The following LIMCH1 variants were observed in gnomAD, a reference collection of about 807,000 sequenced individuals.
LIMCH1 encodes the protein LIM and calponin homology domains-containing protein 1.
A neutral mutation model predicts 176.5 loss-of-function variants in LIMCH1; 113 were observed. That is an observed-to-expected ratio of 0.64 (90% CI 0.55 to 0.75). The LOEUF (loss-of-function observed/expected upper bound fraction) is 0.75. Ranked by LOEUF, LIMCH1 falls within the 30% of genes least tolerant of loss-of-function variation. The pLI is 0.00. For synonymous variants in LIMCH1, 619 were observed against 645.9 expected (o/e 0.96, Z 0.63); for missense variants, 1,674 against 1,814.9 (o/e 0.92, Z 1.41).
intron 1 of LIMCH1, among the ~76,000 whole-genome samples, chr4:41,379,414 G>A (rs1561181549): frequency 6.6e-6 from 1 of 152,174 alleles, no homozygotes; most frequent in African/African-American, 2.4e-5. Context: ...AGGAAGGCAT[G>A]GTAGGACCTG....
chr4:41,512,709 A>G (rs971574375), intron 2 of LIMCH1, among the ~76,000 whole-genome samples: 1 of 152,188 alleles, frequency 6.6e-6, no homozygotes, highest in Admixed American at 6.5e-5. Flanking sequence ...AAATCTATAG[A>G]GACAGAAGGC....
chr4:41,698,902 T>G lies in LIMCH1; in HGVS notation c.*1717T>G, dbSNP rs1732025847. ...ACATGGCGATAAATTATGGATGCAG[T>G]ACATTGAAGAGAGATGAAGTCACTT... On this transcript the variant is annotated 3_prime_UTR_variant, in exon 32 of 32. Transcript: ENST00000503057. The G allele has an allele frequency of 6.6e-6, 1 of 152,630 alleles. No homozygotes were observed. The highest frequency in any genetic ancestry group is 2.4e-5 in the African/African-American group (1 of 41,454). The allele number at this position is 152,630 out of a possible 1,614,324, so 9.5% of individuals were successfully genotyped here.
At chr4:41,501,857 CTTTTTTTTTTTTTTTTTTTTTTT>C (rs71198662) in intron 2 of LIMCH1, among the ~76,000 whole-genome samples, 1 of 74,986 alleles carries the variant, frequency 1.3e-5, no homozygotes, top group South Asian at 4.7e-4. Context: ...GTGTAGAATC[CTTTTTTTTTTTTTTTTTTTTTTT>C]TTTTTTAAAA....
chr4:41,624,848 C>G (rs1156438078), intron 7 of LIMCH1, among the ~76,000 whole-genome samples: 1 of 152,126 alleles, frequency 6.6e-6, no homozygotes, highest in East Asian at 1.9e-4. Context: ...CTTTTCTTCC[C>G]CCTCACCTGC....
chr4:41,413,848 G>T (rs999233364), intron 1 of LIMCH1, among the ~76,000 whole-genome samples: 2 of 152,106 alleles, frequency 1.3e-5, no homozygotes, highest in Non-Finnish European at 2.9e-5. Flanking sequence ...GACTAGCAGA[G>T]GTTCCTGTGG....
intron 1 of LIMCH1, among the ~76,000 whole-genome samples, chr4:41,487,935 T>A (rs1288105585): frequency 6.6e-6 from 1 of 151,170 alleles, no homozygotes; most frequent in Non-Finnish European, 1.5e-5. Flanking sequence ...TTTTTTTCTA[T>A]AGATTCTTAA....
intron 22 of LIMCH1, among the ~76,000 whole-genome samples, chr4:41,672,317 CCAAGAT>C: frequency 6.6e-6 from 1 of 152,008 alleles, no homozygotes; most frequent in Non-Finnish European, 1.5e-5. Context: ...TTGCAGTGAG[CCAAGAT>C]CACACTACTG....
At chr4:41,669,978 C>A (rs1245857657) in intron 21 of LIMCH1, among the ~76,000 whole-genome samples, 1 of 152,176 alleles carries the variant, frequency 6.6e-6, no homozygotes, top group Non-Finnish European at 1.5e-5. Flanking sequence ...TGCTGATCGA[C>A]CCTAATGATG....
At chr4:41,665,302 T>C (rs1325966413) in intron 20 of LIMCH1, among the ~76,000 whole-genome samples, 1 of 152,176 alleles carries the variant, frequency 6.6e-6, no homozygotes, top group Non-Finnish European at 1.5e-5. Context: ...TACTGAAACA[T>C]GTTTTTGCCA....
At chr4:41,684,043 G>T (rs1718523384) in intron 26 of LIMCH1, among the ~76,000 whole-genome samples, 1 of 152,088 alleles carries the variant, frequency 6.6e-6, no homozygotes, top group Non-Finnish European at 1.5e-5. Context: ...CCACTGAAAG[G>T]CCAGTGAGTT....
chr4:41,632,766 G>A lies in LIMCH1; in HGVS notation c.1619G>A (p.Arg540Gln), dbSNP rs200758984. The A allele has an allele frequency of 7.2e-6, 11 of 1,536,106 alleles. No individual in the cohort carries two copies. Among genetic ancestry groups the A allele is most frequent in the South Asian group, 1.2e-5 (1 of 84,060 alleles). Residue 540 changes from arginine to glutamine, a missense_variant, in exon 11 of 32, where the codon CGA (arginine) becomes CAA (glutamine). Physicochemically the swap from Arg to Gln is conservative, Grantham distance 43 (BLOSUM62 1). This residue lies in a region of LIMCH1 where 655 missense variants were observed against 692.2 expected (regional missense o/e 0.95). Transcript: ENST00000503057. The stretch of plus-strand genomic sequence containing the variant: ...GTCTGCAGAACAATGAATTGTGGCC[G>A]AGGTGACTATTGCAGAAGGGCCTCG... Reference protein sequence around the residue: ...QNDCRTMNCGRGDYCRRASWL... With the variant: ...QNDCRTMNCGQGDYCRRASWL...
intron 7 of LIMCH1, 52 bp from the exon 8 acceptor site, chr4:41,626,656 A>C: frequency 7.0e-7 from 1 of 1,438,314 alleles, no homozygotes; most frequent in Non-Finnish European, 9.3e-7. Context: ...ATGGAGATTT[A>C]ATTTTTTTTG....
chr4:41,651,299 C>T (rs1187121425), intron 18 of LIMCH1, among the ~76,000 whole-genome samples: 2 of 152,176 alleles, frequency 1.3e-5, no homozygotes, highest in South Asian at 2.1e-4. Flanking sequence ...AGCTACCACA[C>T]CCAGCCTAAT....
chr4:41,415,782 C>G (rs2059871835), intron 1 of LIMCH1, among the ~76,000 whole-genome samples: 1 of 152,002 alleles, frequency 6.6e-6, no homozygotes, highest in Non-Finnish European at 1.5e-5. Flanking sequence ...TAGAGGCCAG[C>G]CTGACCAACA....
chr4:41,419,587 CTTCCTTCCTTCCTTCCG>C (rs1561309236), intron 1 of LIMCH1, among the ~76,000 whole-genome samples: 13 of 84,048 alleles, frequency 1.5e-4, no homozygotes, highest in African/African-American at 1.0e-3. Flanking sequence ...TCCTTCCTTC[CTTCCTTCCTTCCTTCCG>C]TCCTTCCTTC....
intron 2 of LIMCH1, among the ~76,000 whole-genome samples, chr4:41,516,579 C>A (rs1205528229): frequency 6.6e-6 from 1 of 152,084 alleles, no homozygotes; most frequent in Non-Finnish European, 1.5e-5. Flanking sequence ...AATTTCCAGA[C>A]AGCAGGAATA....
rs1390190372 is a variant in LIMCH1 at position 41,638,839 on chromosome 4, A to C, written c.2091-93A>C. Reference sequence around the variant, plus strand: ...TATCTCAGCAAAAAAGGTTTGGCGCACATGTATTTCACCGGCAGTTTCTAT... The same window carrying C: ...TATCTCAGCAAAAAAGGTTTGGCGCCCATGTATTTCACCGGCAGTTTCTAT... On this transcript the variant is annotated intron_variant, in intron 13 of 31. Transcript: ENST00000503057. The C allele has an allele frequency of 4.0e-6, 4 of 992,702 alleles. No individual in the cohort carries two copies. In the African/African-American group the frequency reaches 6.4e-5, roughly 16 times the overall value. 61.5% of individuals were successfully genotyped at this position (992,702 alleles called of 1,614,324 possible).
chr4:41,666,556 T>C lies in LIMCH1; in HGVS notation c.3292-5T>C. The C allele has an allele frequency of 6.2e-7, 1 of 1,601,902 alleles. No homozygotes were observed. The highest frequency in any genetic ancestry group is 8.6e-7 in the Non-Finnish European group (1 of 1,169,022). On this transcript the variant is annotated splice_polypyrimidine_tract_variant and splice_region_variant and intron_variant, in intron 20 of 31. Coordinates refer to ENST00000503057, the MANE Select transcript of LIMCH1 (RefSeq NM_001330672.2). The stretch of plus-strand genomic sequence containing the variant: ...CAATATTTATACCTGTTTTCCATTG[T>C]CCAGGTGGTAAAGCCAAAATCTCCA...
intron 1 of LIMCH1, among the ~76,000 whole-genome samples, chr4:41,591,611 T>C (rs1435038629): frequency 1.3e-5 from 2 of 152,240 alleles, no homozygotes; most frequent in Non-Finnish European, 2.9e-5. Flanking sequence ...TCAAAAGTGG[T>C]AATTCTAGTT....
Sources: allele counts gnomAD v4.1 joint callset (sites outside exome capture counted in the v4.1 genomes callset), GRCh38; gene constraint gnomAD v4.1.1; regional missense constraint gnomAD v4.1.1; transcripts MANE v1.5; gene names NCBI Gene and HGNC (gene_info 2026-07-23, HGNC 2026-07-21).